PITPNM3: variants seen among roughly 807,000 people sequenced by gnomAD.
PITPNM3 encodes PITPNM family member 3.
In PITPNM3, 26 loss-of-function variants were observed where a neutral mutation model predicts 102.0. The ratio of observed to expected loss-of-function variants is 0.25; its 90% CI spans 0.19 to 0.35. The LOEUF is 0.35. PITPNM3 is among the 10% of genes least tolerant of loss of function. The probability of loss-of-function intolerance (pLI) is 1.00; values close to 1 mark genes in which losing one functional copy is unlikely to be tolerated. For missense variants in PITPNM3, 1,083 were observed against 1,346.1 expected (o/e 0.80, Z 3.06); for synonymous variants, 578 against 558.6 (o/e 1.03, Z -0.49).
intron 9 of PITPNM3, among the ~76,000 whole-genome samples, 184 bp from the exon 10 acceptor site, chr17:6,474,788 T>A (rs1052021521): frequency 1.3e-5 from 2 of 152,236 alleles, no homozygotes; most frequent in Non-Finnish European, 2.9e-5. Context: ...AAGGCCTGGC[T>A]GATATTTGGC....
chr17:6,533,631 ATC>A (rs1265832871), intron 2 of PITPNM3, among the ~76,000 whole-genome samples: 1 of 151,340 alleles, frequency 6.6e-6, no homozygotes, highest in Admixed American at 6.6e-5. Flanking sequence ...ATTTTTTTGT[ATC>A]TTTAGTAGAG....
chr17:6,515,466 G>T (rs1384692361), intron 3 of PITPNM3, among the ~76,000 whole-genome samples: 1 of 151,404 alleles, frequency 6.6e-6, no homozygotes, highest in Non-Finnish European at 1.5e-5. Context: ...GGTGATAGTT[G>T]CATCCCTTCA....
intron 1 of PITPNM3, among the ~76,000 whole-genome samples, chr17:6,554,903 G>A (rs540909334): frequency 2.0e-5 from 3 of 152,346 alleles, no homozygotes; most frequent in Non-Finnish European, 4.4e-5. Flanking sequence ...AGAACAAGCA[G>A]CAAATGTTCA....
chr17:6,482,668 G>A (rs1905814398), intron 6 of PITPNM3, among the ~76,000 whole-genome samples: 1 of 152,140 alleles, frequency 6.6e-6, no homozygotes, highest in Admixed American at 6.5e-5. Context: ...TCACCCCGTG[G>A]GATCTGATGC....
chr17:6,515,639 G>A (rs1474223220), intron 3 of PITPNM3, among the ~76,000 whole-genome samples: 1 of 152,050 alleles, frequency 6.6e-6, no homozygotes, highest in African/African-American at 2.4e-5. Context: ...AAATCAAGAT[G>A]TCTCCTGCTC....
intron 2 of PITPNM3, among the ~76,000 whole-genome samples, chr17:6,536,332 G>A (rs1415503265): frequency 6.6e-6 from 1 of 152,234 alleles, no homozygotes; most frequent in Non-Finnish European, 1.5e-5. Context: ...TCTGTCGTCA[G>A]CTGGGAACGC....
chr17:6,487,941 T>C (rs758606466), intron 4 of PITPNM3, among the ~76,000 whole-genome samples: 11 of 152,156 alleles, frequency 7.2e-5, no homozygotes, highest in Non-Finnish European at 1.3e-4. Context: ...CTACGCTGTT[T>C]GGGGACAGAG....
At chr17:6,528,499 T>A (rs1193866339) in intron 2 of PITPNM3, among the ~76,000 whole-genome samples, 1 of 151,998 alleles carries the variant, frequency 6.6e-6, no homozygotes, top group East Asian at 1.9e-4. Flanking sequence ...CATGCATGTG[T>A]GAGTGCATAC....
rs1567665598 is a variant in PITPNM3 at position 6,473,237 on chromosome 17, A to G, written c.1259-410T>C. The G allele has an allele frequency of 9.7e-6, 3 of 309,170 alleles. No individual in the cohort carries two copies. In the East Asian group the frequency reaches 2.7e-4, roughly 27 times the overall value. The allele number at this position is 309,170 out of a possible 1,614,324, so 19.2% of individuals were successfully genotyped here. On this transcript the variant is annotated intron_variant, in intron 10 of 19. Transcript: ENST00000262483. Reference sequence around the variant, plus strand: ...CAGGCAGGTCAGCTGCCCCTTCCACAGGCCTCAAGGCTATAAACACTCAGT... The same window carrying G: ...CAGGCAGGTCAGCTGCCCCTTCCACGGGCCTCAAGGCTATAAACACTCAGT...
intron 4 of PITPNM3, among the ~76,000 whole-genome samples, chr17:6,487,508 G>T (rs1356154771): frequency 6.6e-6 from 1 of 152,156 alleles, no homozygotes; most frequent in African/African-American, 2.4e-5. Flanking sequence ...GTCCCTCCCT[G>T]AGCCCTGGCA....
At chr17:6,507,758 G>A (rs1397838754) in intron 3 of PITPNM3, among the ~76,000 whole-genome samples, 1 of 152,142 alleles carries the variant, frequency 6.6e-6, no homozygotes, top group Non-Finnish European at 1.5e-5. Flanking sequence ...GAGGAGGGGA[G>A]GACTCCAGCG....
chr17:6,554,817 T>C (rs1191864493), intron 1 of PITPNM3, among the ~76,000 whole-genome samples: 1 of 152,204 alleles, frequency 6.6e-6, no homozygotes. Context: ...CTAGATGTTT[T>C]AAAAGTGGGA....
intron 3 of PITPNM3, among the ~76,000 whole-genome samples, chr17:6,513,186 C>T (rs1907969868): frequency 6.6e-6 from 1 of 151,968 alleles, no homozygotes; most frequent in Non-Finnish European, 1.5e-5. Context: ...ACAAAAGATT[C>T]ATAGTTAACA....
intron 3 of PITPNM3, among the ~76,000 whole-genome samples, chr17:6,511,363 A>G (rs1597393917): frequency 6.6e-6 from 1 of 152,242 alleles, no homozygotes; most frequent in East Asian, 1.9e-4. Flanking sequence ...AGATCCCTAG[A>G]AAATGACATC....
rs750369385 is a variant in PITPNM3 at position 6,455,566 on chromosome 17, C to G, written c.2697G>C (p.Ser899=). The change falls in exon 20 of 20, where the codon TCG becomes TCC. Residue 899 remains serine, a synonymous_variant. Transcript: ENST00000262483. ...SHRSRPKKNN[S]RMILRKGSFG... ...AGCTGCCCTTGCGCAGGATCATGCG[C>G]GAGTTGTTCTTCTTTGGGCGTGAGC... is the stretch of plus-strand genomic sequence containing the variant. The G allele has an allele frequency of 2.5e-6, 4 of 1,601,194 alleles. No individual in the cohort carries two copies. The highest frequency in any genetic ancestry group is 3.4e-6 in the Non-Finnish European group (4 of 1,179,110).
At chr17:6,545,347 C>T (rs1206882311) in intron 1 of PITPNM3, among the ~76,000 whole-genome samples, 1 of 152,188 alleles carries the variant, frequency 6.6e-6, no homozygotes, top group Non-Finnish European at 1.5e-5. Context: ...TGGCAACTTC[C>T]AAGGGCAGAC....
At chr17:6,528,590 T>C (rs1908972426) in intron 2 of PITPNM3, among the ~76,000 whole-genome samples, 1 of 152,090 alleles carries the variant, frequency 6.6e-6, no homozygotes, top group African/African-American at 2.4e-5. Context: ...TGTGTGTGCA[T>C]ATGTGTGTGG....
intron 4 of PITPNM3, among the ~76,000 whole-genome samples, chr17:6,484,643 G>A (rs1214244281): frequency 2.0e-5 from 3 of 152,218 alleles, no homozygotes; most frequent in Non-Finnish European, 2.9e-5. Flanking sequence ...TATGGACAGC[G>A]ATTTGAGCAA....
At chr17:6,514,941 C>T (rs544636440) in intron 3 of PITPNM3, among the ~76,000 whole-genome samples, 1 of 152,266 alleles carries the variant, frequency 6.6e-6, no homozygotes, top group South Asian at 2.1e-4. Context: ...CTGACTTATG[C>T]TACAACGTGG....
Sources: gnomAD v4.1 joint callset for allele counts (sites outside exome capture counted in the v4.1 genomes callset) on GRCh38, gnomAD v4.1.1 for gene constraint, MANE v1.5 for transcripts, NCBI Gene and HGNC (gene_info 2026-07-23, HGNC 2026-07-21) for gene names.